Variants in TRPM6 observed in about 807,000 individuals in gnomAD.
The protein encoded by TRPM6 is transient receptor potential cation channel subfamily M member 6, also known as channel kinase 2.
A neutral mutation model predicts 247.6 loss-of-function variants in TRPM6; 111 were observed. That is an observed-to-expected ratio of 0.45 (90% CI 0.38 to 0.52). The LOEUF (loss-of-function observed/expected upper bound fraction) is 0.52. Among genes scored for constraint, TRPM6 ranks in the 20% least tolerant of loss-of-function variants. The pLI is 0.00. For synonymous variants in TRPM6, 892 were observed against 853.8 expected, an observed-to-expected ratio of 1.04 and a Z score of -0.78; for missense variants, 2,126 against 2,421.5, an observed-to-expected ratio of 0.88 and a Z score of 2.56.
chr9:74,748,478 G>GC (rs1164261643), intron 30 of TRPM6, among the ~76,000 whole-genome samples: 1 of 152,154 alleles, frequency 6.6e-6, no homozygotes, highest in African/African-American at 2.4e-5. Context: ...GTGTGTTATT[G>GC]CCCCTGAACA....
chr9:74,769,879 A>T (rs78292952), intron 25 of TRPM6, among the ~76,000 whole-genome samples: 9 of 152,286 alleles, frequency 5.9e-5, no homozygotes, highest in African/African-American at 1.9e-4. Flanking sequence ...GCAGGACTTC[A>T]TCCCAGCTCC....
intron 21 of TRPM6, among the ~76,000 whole-genome samples, chr9:74,784,004 C>T (rs1042630304): frequency 6.6e-6 from 1 of 152,128 alleles, no homozygotes; most frequent in Non-Finnish European, 1.5e-5. Context: ...GCCTGTAATC[C>T]CAGCACTTTG....
intron 37 of TRPM6, among the ~76,000 whole-genome samples, chr9:74,732,123 G>A (rs1279718004): frequency 6.6e-6 from 1 of 152,126 alleles, no homozygotes; most frequent in African/African-American, 2.4e-5. Flanking sequence ...GGAATTCAAG[G>A]GGCAGGTTGA....
chr9:74,819,640 C>T (rs762194496), intron 9 of TRPM6, among the ~76,000 whole-genome samples: 11 of 152,174 alleles, frequency 7.2e-5, no homozygotes, highest in Non-Finnish European at 1.5e-4. Flanking sequence ...AGAGTTTATT[C>T]TCACTTTTCC....
At chr9:74,884,379 C>G (rs1196381658) in intron 1 of TRPM6, among the ~76,000 whole-genome samples, 1 of 151,964 alleles carries the variant, frequency 6.6e-6, no homozygotes, top group Non-Finnish European at 1.5e-5. Flanking sequence ...GTCCCAGCTA[C>G]TCGGGAGGCT....
rs752126731 is a variant in TRPM6 at position 74,855,563 on chromosome 9, C to T, written c.116G>A (p.Cys39Tyr). The T allele has an allele frequency of 6.3e-7, 1 of 1,599,510 alleles. No individual in the cohort carries two copies. ...IIPSSKNPHR[C>Y]TPVCQVCQNL... is the part of the protein sequence containing the mutation. ...CTGGCAGACTTGGCATACTGGAGTA[C>T]ATCTAAATTAAAGAAATAAAACCTC... The change falls in exon 3 of 39, where the codon TGT becomes TAT. Residue 39 changes from cysteine (C) to tyrosine (Y), a missense_variant and splice_region_variant. Cys to Tyr is a radical substitution (Grantham distance 194, BLOSUM62 -2). Coordinates refer to ENST00000360774, the MANE Select transcript of TRPM6 (RefSeq NM_017662.5).
intron 4 of TRPM6, among the ~76,000 whole-genome samples, chr9:74,840,768 G>A (rs1448478732): frequency 2.1e-5 from 3 of 140,116 alleles, no homozygotes; most frequent in Non-Finnish European, 4.5e-5. Flanking sequence ...AGTGAGCTGA[G>A]ATCATTCATC....
In TRPM6 at chr9:74,825,701, G is replaced by C. The variant is rs146993696; in HGVS notation, c.841+2077C>G. On this transcript the variant is annotated intron_variant, in intron 7 of 38. Transcript: ENST00000360774. ...CTTACTAAAATGGGCAATCAGCAGG[G>C]AATAAGAAAGACAAAGACTCTCATA... 2.6e-5 allele frequency among the ~76,000 whole-genome samples: 4 copies of C among 152,106 alleles called. No individual in the cohort carries two copies. In the East Asian group the frequency reaches 7.7e-4, roughly 29 times the overall value.
At chr9:74,773,075 C>T (rs1015758337) in intron 24 of TRPM6, among the ~76,000 whole-genome samples, 8 of 151,966 alleles carry the variant, frequency 5.3e-5, no homozygotes, top group African/African-American at 7.3e-5. Context: ...TACAGTGAGC[C>T]GAGATCGCTC....
chr9:74,870,110 G>A (rs1022586416), intron 1 of TRPM6, among the ~76,000 whole-genome samples: 4 of 152,032 alleles, frequency 2.6e-5, no homozygotes, highest in African/African-American at 9.7e-5. Flanking sequence ...CACAGTATAG[G>A]ACATTTCCCA....
chr9:74,762,907 T>C lies in TRPM6; in HGVS notation c.3764A>G (p.Asn1255Ser), dbSNP rs35378712. The C allele has an allele frequency of 5.0e-6, 8 of 1,607,838 alleles. No homozygotes were observed. Among genetic ancestry groups the C allele is most frequent in the South Asian group, 2.2e-5 (2 of 90,766 alleles). Residue 1255 changes from asparagine to serine, a missense_variant, in exon 26 of 39, where the codon AAT (asparagine) becomes AGT (serine). Asn to Ser is a conservative substitution (Grantham distance 46, BLOSUM62 1). This residue lies in a region of TRPM6 where 717 missense variants were observed against 715.9 expected (regional missense o/e 1.00). Coordinates refer to ENST00000360774, the MANE Select transcript of TRPM6 (RefSeq NM_017662.5). Reference sequence around the variant, plus strand: ...GCCTAGAACCTCTGCACAGATGACATTGCTCCAGCTGTGGGGAAGTTTTTT... The same window carrying C: ...GCCTAGAACCTCTGCACAGATGACACTGCTCCAGCTGTGGGGAAGTTTTTT... ...TCKKLPHSWS[N>S]VICAEVLGSM...
At chr9:74,803,677 A>G (rs992923890) in intron 15 of TRPM6, 117 bp downstream of exon 15, 3 of 802,752 alleles carry the variant, frequency 3.7e-6, no homozygotes, top group Non-Finnish European at 6.7e-6. Context: ...CCATCTGTTT[A>G]TGGCACTTAT....
rs76478952 is a variant in TRPM6, at chr9:74,873,638, A to T, written c.33+14186T>A. On this transcript the variant is annotated intron_variant, in intron 1 of 38. Coordinates refer to ENST00000360774, the MANE Select transcript of TRPM6 (RefSeq NM_017662.5). ...GGAGACTCTTTTCTAAGAGATTTCC[A>T]ACAATTATCAATTAAGAATATCCCC... 1.7e-3 allele frequency among the ~76,000 whole-genome samples: 257 copies of T among 152,328 alleles called. 7 individuals are homozygous for T. The East Asian group carries it at 0.044, about 26-fold the overall frequency.
At chr9:74,879,154 A>T (rs1176743209) in intron 1 of TRPM6, among the ~76,000 whole-genome samples, 1 of 151,994 alleles carries the variant, frequency 6.6e-6, no homozygotes, top group Non-Finnish European at 1.5e-5. Flanking sequence ...AAGAAATTCT[A>T]GAATTAAAGA....
At chr9:74,843,040 T>G (rs1164494696) in intron 3 of TRPM6, among the ~76,000 whole-genome samples, 1 of 152,228 alleles carries the variant, frequency 6.6e-6, no homozygotes, top group Non-Finnish European at 1.5e-5. Context: ...CTGGAGTCAA[T>G]CTTCTCAAAC....
At chr9:74,845,238 G>T (rs576447841) in intron 3 of TRPM6, among the ~76,000 whole-genome samples, 2 of 152,156 alleles carry the variant, frequency 1.3e-5, no homozygotes, top group Non-Finnish European at 1.5e-5. Context: ...TTAATGCAAG[G>T]TTCCCACAAA....
At chr9:74,807,415 T>A (rs1828562486) in intron 14 of TRPM6, among the ~76,000 whole-genome samples, 1 of 152,316 alleles carries the variant, frequency 6.6e-6, no homozygotes, top group Middle Eastern at 3.4e-3. Flanking sequence ...CTAATAAGAA[T>A]GAGTCTCCTC....
chr9:74,845,765 T>C (rs752129806), intron 3 of TRPM6, among the ~76,000 whole-genome samples: 1 of 152,062 alleles, frequency 6.6e-6, no homozygotes, highest in Non-Finnish European at 1.5e-5. Flanking sequence ...AGGCAGAGGC[T>C]GCAGTGAGCC....
At chr9:74,802,492 T>G (rs1343977157) in intron 15 of TRPM6, among the ~76,000 whole-genome samples, 1 of 152,098 alleles carries the variant, frequency 6.6e-6, no homozygotes, top group African/African-American at 2.4e-5. Context: ...GGGGGAGACA[T>G]AACAATGCCT....
Sources: gnomAD v4.1 joint callset for allele counts (sites outside exome capture counted in the v4.1 genomes callset) on GRCh38, gnomAD v4.1.1 for gene constraint, gnomAD v4.1.1 regional missense constraint, MANE v1.5 for transcripts, NCBI Gene and HGNC (gene_info 2026-07-23, HGNC 2026-07-21) for gene names.